Variants in EGFR observed in about 807,000 individuals in gnomAD.
EGFR encodes epidermal growth factor receptor.
A neutral mutation model predicts 143.0 loss-of-function variants in EGFR; 58 were observed. That is an observed-to-expected ratio of 0.41 (90% CI 0.33 to 0.50). The LOEUF (loss-of-function observed/expected upper bound fraction) is 0.50. Among genes scored for constraint, EGFR ranks in the 20% least tolerant of loss-of-function variants. The pLI, the probability that EGFR is intolerant of heterozygous loss-of-function variation, is 0.39. For missense variants in EGFR, 1,307 were observed against 1,579.0 expected (o/e 0.83, Z 2.92); for synonymous variants, 613 against 594.4 (o/e 1.03, Z -0.45).
At chr7:55,181,777 T>C in intron 20 of EGFR, 1 of 461,452 alleles carries the variant, frequency 2.2e-6, no homozygotes, top group Non-Finnish European at 4.0e-6. Context: ...TCTTTGTGAA[T>C]ACTGTGGTGA....
At chr7:55,097,668 C>T (rs1791560032) in intron 1 of EGFR, among the ~76,000 whole-genome samples, 1 of 152,182 alleles carries the variant, frequency 6.6e-6, no homozygotes, top group Non-Finnish European at 1.5e-5. Flanking sequence ...AGACCCAGGA[C>T]CTACAAACCC....
rs1788090260 is a variant in EGFR at position 55,205,891 on chromosome 7, TATATTTGA to T, written c.*276_*283del. ...AGCAGAAATTTATCTTTCAAAGAGG[TATATTTGA>T]AAAAAAAAAAAAGTATATGTGAGGA... On this transcript the variant is annotated 3_prime_UTR_variant, in exon 28 of 28. Coordinates refer to ENST00000275493, the MANE Select transcript of EGFR (RefSeq NM_005228.5). 2.5e-5 allele frequency: 12 copies of T among 483,896 alleles called. No individual in the cohort carries two copies. Among genetic ancestry groups the T allele is most frequent in the South Asian group, 2.1e-4 (8 of 38,620 alleles). 30.0% of individuals were successfully genotyped at this position (483,896 alleles called of 1,614,324 possible).
At chr7:55,177,682 A>G (rs1035438923) in intron 19 of EGFR, among the ~76,000 whole-genome samples, 6 of 152,238 alleles carry the variant, frequency 3.9e-5, no homozygotes, top group African/African-American at 9.6e-5. Flanking sequence ...TCATGTCAGC[A>G]GTTAGGACAA....
intron 1 of EGFR, among the ~76,000 whole-genome samples, chr7:55,085,143 CT>C (rs1790681469): frequency 6.6e-6 from 1 of 151,976 alleles, no homozygotes; most frequent in Non-Finnish European, 1.5e-5. Flanking sequence ...AACAGTCAGC[CT>C]GGCTAGAAAA....
intron 1 of EGFR, among the ~76,000 whole-genome samples, chr7:55,046,940 G>A (rs943552914): frequency 2.0e-5 from 3 of 152,010 alleles, no homozygotes; most frequent in African/African-American, 7.2e-5. Context: ...TGGTGTGTCC[G>A]GTGATATTAA....
rs11568315 is a variant in EGFR, at chr7:55,020,559, TACACACACACACAC to T, written c.88+1215_88+1228del. The stretch of plus-strand genomic sequence containing the variant: ...GCCAACCAAAATATTAAACCTGTCT[TACACACACACACAC>T]ACACACACACACACACACACCGGAT... On this transcript the variant is annotated intron_variant, in intron 1 of 27. Transcript: ENST00000275493. 1.8e-4 allele frequency among the ~76,000 whole-genome samples: 26 copies of T among 145,242 alleles called. No homozygotes were observed. The East Asian group carries it at 3.1e-3, about 17-fold the overall frequency.
chr7:55,132,767 A>C (rs6593208), intron 1 of EGFR, among the ~76,000 whole-genome samples: 3 of 152,218 alleles, frequency 2.0e-5, no homozygotes, highest in Admixed American at 2.0e-4. Flanking sequence ...AAGGACTCAC[A>C]TATTCCTTCA....
intron 14 of EGFR, 144 bp downstream of exon 14, chr7:55,163,967 C>A: frequency 2.3e-6 from 2 of 866,314 alleles, no homozygotes; most frequent in Non-Finnish European, 3.8e-6. Context: ...GCGCTGACAG[C>A]GCTGTCCGGG....
At chr7:55,080,140 T>C (rs1376640978) in intron 1 of EGFR, among the ~76,000 whole-genome samples, 3 of 152,218 alleles carry the variant, frequency 2.0e-5, no homozygotes, top group African/African-American at 2.4e-5. Context: ...TGTTTAGATG[T>C]AAATCTGTGG....
chr7:55,121,452 A>G (rs935189465), intron 1 of EGFR, among the ~76,000 whole-genome samples: 2 of 152,188 alleles, frequency 1.3e-5, no homozygotes, highest in African/African-American at 4.8e-5. Flanking sequence ...AGAATGTCCT[A>G]CACACCTTCT....
chr7:55,051,541 C>T (rs1004787786), intron 1 of EGFR, among the ~76,000 whole-genome samples: 1 of 152,170 alleles, frequency 6.6e-6, no homozygotes, highest in African/African-American at 2.4e-5. Flanking sequence ...CAGATGCTGG[C>T]ACCATGCCCT....
chr7:55,157,622 C>T (rs2128939500), intron 10 of EGFR, 41 bp from the exon 11 acceptor site: 1 of 1,561,200 alleles, frequency 6.4e-7, no homozygotes, highest in Non-Finnish European at 8.8e-7. Context: ...AAAAGAAACT[C>T]CTACGTGGTG....
At chr7:55,133,419 A>G (rs1042808183) in intron 1 of EGFR, among the ~76,000 whole-genome samples, 4 of 152,142 alleles carry the variant, frequency 2.6e-5, no homozygotes, top group Non-Finnish European at 4.4e-5. Flanking sequence ...ACAAAGAGGG[A>G]CGTGAAGTCA....
chr7:55,144,524 G>T (rs1482200046), intron 3 of EGFR, among the ~76,000 whole-genome samples: 2 of 152,180 alleles, frequency 1.3e-5, no homozygotes. Flanking sequence ...AGCAGAGGGA[G>T]TCATATCCGG....
intron 21 of EGFR, among the ~76,000 whole-genome samples, chr7:55,192,552 C>T (rs1401248696): frequency 6.6e-6 from 1 of 152,224 alleles, no homozygotes; most frequent in African/African-American, 2.4e-5. Flanking sequence ...GCCTGGGACA[C>T]AGAGGGTGCT....
chr7:55,026,670 A>G (rs902120181), intron 1 of EGFR, among the ~76,000 whole-genome samples: 2 of 152,126 alleles, frequency 1.3e-5, no homozygotes, highest in South Asian at 4.1e-4. Context: ...CTGCCCCAAG[A>G]TAAACTTGCC....
rs1786369861 is a variant in EGFR at position 55,019,309 on chromosome 7, T to C, written c.32T>C (p.Leu11Pro). MRPSGTAGAA[L>P]LALLAALCPA... ...CCCTCCGGGACGGCCGGGGCAGCGC[T>C]CCTGGCGCTGCTGGCTGCGCTCTGC... The change falls in exon 1 of 28, where the codon CTC becomes CCC. Residue 11 changes from leucine (L) to proline (P), a missense_variant. Leu to Pro is a moderately conservative substitution (Grantham distance 98, BLOSUM62 -3). Coordinates refer to ENST00000275493, the MANE Select transcript of EGFR (RefSeq NM_005228.5). The C allele has an allele frequency of 1.3e-6, 2 of 1,520,802 alleles. No individual in the cohort carries two copies. Among genetic ancestry groups the C allele is most frequent in the East Asian group, 2.7e-5 (1 of 36,416 alleles). The allele number at this position is 1,520,802 out of a possible 1,614,324, so 94.2% of individuals were successfully genotyped here.
chr7:55,090,506 A>G (rs528882355), intron 1 of EGFR, among the ~76,000 whole-genome samples: 1 of 152,300 alleles, frequency 6.6e-6, no homozygotes, highest in South Asian at 2.1e-4. Flanking sequence ...TTTAGGATTC[A>G]GATATAATAA....
intron 1 of EGFR, among the ~76,000 whole-genome samples, chr7:55,125,849 C>G (rs116775314): frequency 3.9e-5 from 6 of 152,242 alleles, no homozygotes; most frequent in Non-Finnish European, 8.8e-5. Context: ...AAACACACAT[C>G]TGCACATGTT....
Sources: allele counts gnomAD v4.1 joint callset (sites outside exome capture counted in the v4.1 genomes callset), GRCh38; gene constraint gnomAD v4.1.1; transcripts MANE v1.5; gene names NCBI Gene and HGNC (gene_info 2026-07-23, HGNC 2026-07-21).